WDPCP: variants seen among roughly 807,000 people sequenced by gnomAD.
WDPCP encodes WD repeat containing planar cell polarity effector.
A neutral mutation model predicts 93.1 loss-of-function variants in WDPCP; 71 were observed. That is an observed-to-expected ratio of 0.76 (90% CI 0.63 to 0.93). The LOEUF (loss-of-function observed/expected upper bound fraction) is 0.93. Among genes scored for constraint, WDPCP ranks in the 40% least tolerant of loss-of-function variants. The probability of loss-of-function intolerance (pLI) is 0.00; values close to 1 mark genes in which losing one functional copy is unlikely to be tolerated. For synonymous variants in WDPCP, 315 were observed against 315.0 expected (o/e 1.00, Z 0.00); for missense variants, 844 against 887.4 (o/e 0.95, Z 0.62).
chr2:63,632,874 C>G (rs933738192), intron 3 of WDPCP, among the ~76,000 whole-genome samples: 2 of 152,070 alleles, frequency 1.3e-5, no homozygotes, highest in Admixed American at 6.6e-5. Context: ...GAATATGAAG[C>G]TCATAGATCC....
intron 13 of WDPCP, among the ~76,000 whole-genome samples, chr2:63,270,419 A>C (rs970278): frequency 0.81 from 123,310 of 151,868 alleles, 50,814 homozygotes; most frequent in East Asian, 0.96. Context: ...TGGACTATTT[A>C]ATTTTTTTTT....
At chr2:63,748,439 T>C (rs898178827) in intron 2 of WDPCP, among the ~76,000 whole-genome samples, 5 of 152,064 alleles carry the variant, frequency 3.3e-5, no homozygotes, top group Admixed American at 6.5e-5. Flanking sequence ...TTATTATAAA[T>C]GAATGTTAAA....
chr2:63,549,155 A>C (rs1211198126), intron 1 of WDPCP, among the ~76,000 whole-genome samples: 1 of 149,380 alleles, frequency 6.7e-6, no homozygotes, highest in Non-Finnish European at 1.5e-5. Flanking sequence ...AGGCTGAGGC[A>C]GGGAGAATCA....
chr2:63,285,520 C>T (rs185254407), intron 13 of WDPCP, among the ~76,000 whole-genome samples: 18 of 150,834 alleles, frequency 1.2e-4, no homozygotes, highest in South Asian at 1.0e-3. Context: ...ATTTTGTCTA[C>T]GGGAGACCCA....
chr2:63,770,133 C>T (rs1670204560), intron 2 of WDPCP, among the ~76,000 whole-genome samples: 2 of 151,962 alleles, frequency 1.3e-5, no homozygotes, highest in South Asian at 2.1e-4. Context: ...ATTACACATA[C>T]ACTTCTAGAT....
intron 6 of WDPCP, among the ~76,000 whole-genome samples, chr2:63,453,605 A>C (rs937979834): frequency 5.9e-5 from 9 of 152,172 alleles, no homozygotes; most frequent in African/African-American, 2.2e-4. Context: ...TATATACCTA[A>C]AGGAATATAA....
At chr2:63,509,366 A>G (rs1194024605) in intron 1 of WDPCP, among the ~76,000 whole-genome samples, 2 of 152,220 alleles carry the variant, frequency 1.3e-5, no homozygotes, top group African/African-American at 2.4e-5. Flanking sequence ...GCAGAAATAA[A>G]TAAGTTCTTT....
At chr2:63,287,548 C>T (rs1314329903) in intron 13 of WDPCP, among the ~76,000 whole-genome samples, 1 of 152,190 alleles carries the variant, frequency 6.6e-6, no homozygotes, top group Non-Finnish European at 1.5e-5. Context: ...GCAATCTTCT[C>T]CTCTTGACAT....
intron 17 of WDPCP, among the ~76,000 whole-genome samples, chr2:63,133,365 T>A (rs778078181): frequency 5.9e-5 from 9 of 152,194 alleles, no homozygotes; most frequent in Non-Finnish European, 1.0e-4. Flanking sequence ...GAATCAGGGA[T>A]CAATTCTTCA....
At position 63,601,728 on chromosome 2, in the gene WDPCP, G is replaced by A. The variant is rs143902108; in HGVS notation, n.488+48931C>T. On this transcript the variant is annotated intron_variant and non_coding_transcript_variant, in intron 3 of 4. Transcript: ENST00000467687. ...AACAAAGGAAGGCATGGGAGCCAAG[G>A]AGGACTGAGGGTGGAGAGGCCTAGA... Among the ~76,000 whole-genome samples, 1,164 of 152,302 alleles carry A rather than the reference G, an allele frequency of 7.6e-3. 9 individuals carry two copies. The highest frequency in any genetic ancestry group is 0.016 in the South Asian group (76 of 4,820).
intron 2 of WDPCP, among the ~76,000 whole-genome samples, chr2:63,671,150 C>T (rs543885427): frequency 3.3e-5 from 5 of 152,104 alleles, no homozygotes; most frequent in Admixed American, 6.5e-5. Flanking sequence ...GCATGATTCT[C>T]TCCTATCTCT....
intron 2 of WDPCP, among the ~76,000 whole-genome samples, chr2:63,810,399 G>A (rs556583148): frequency 1.3e-5 from 2 of 152,336 alleles, no homozygotes; most frequent in African/African-American, 2.4e-5. Context: ...ATAGGTACTA[G>A]TATCAGTTCA....
intron 12 of WDPCP, among the ~76,000 whole-genome samples, chr2:63,326,072 T>C (rs1687510777): frequency 6.6e-6 from 1 of 152,234 alleles, no homozygotes; most frequent in Non-Finnish European, 1.5e-5. Flanking sequence ...AGGATCTCAC[T>C]GTCTGGACAA....
intron 2 of WDPCP, among the ~76,000 whole-genome samples, chr2:63,800,539 T>C (rs2104033028): frequency 6.6e-6 from 1 of 152,208 alleles, no homozygotes; most frequent in African/African-American, 2.4e-5. Flanking sequence ...AGTTCAGAAG[T>C]ATGTTGGAAA....
intron 9 of WDPCP, among the ~76,000 whole-genome samples, chr2:63,414,844 A>G (rs1344755142): frequency 6.6e-6 from 1 of 152,152 alleles, no homozygotes; most frequent in East Asian, 1.9e-4. Context: ...TCATATAACC[A>G]AATACCACCT....
At chr2:63,831,677 G>T (rs1263453904), upstream of WDPCP, among the ~76,000 whole-genome samples, 1 of 151,132 alleles carries the variant, frequency 6.6e-6, no homozygotes, top group African/African-American at 2.4e-5. Flanking sequence ...TGGAATATTT[G>T]TGTGTGTATA....
chr2:63,544,698 C>T (rs780239928), intron 1 of WDPCP, among the ~76,000 whole-genome samples: 21 of 152,096 alleles, frequency 1.4e-4, no homozygotes, highest in Non-Finnish European at 2.8e-4. Context: ...CTGTTCTTCA[C>T]TCAGAATCAT....
intron 10 of WDPCP, among the ~76,000 whole-genome samples, chr2:63,401,596 C>A (rs1191350552): frequency 3.9e-5 from 6 of 152,032 alleles, no homozygotes; most frequent in Admixed American, 3.9e-4. Flanking sequence ...CCACTTGAGG[C>A]TGGTTTGAGA....
At chr2:63,410,576 C>A (rs1694951893) in intron 9 of WDPCP, among the ~76,000 whole-genome samples, 1 of 152,158 alleles carries the variant, frequency 6.6e-6, no homozygotes. Flanking sequence ...CCTAAATGCT[C>A]CACTTAAAAC....
Sources: gnomAD v4.1 joint callset for allele counts (sites outside exome capture counted in the v4.1 genomes callset) on GRCh38, gnomAD v4.1.1 for gene constraint, MANE v1.5 for transcripts, NCBI Gene and HGNC (gene_info 2026-07-23, HGNC 2026-07-21) for gene names.